Variants in MUC4 observed in about 807,000 individuals in gnomAD.
MUC4 encodes mucin-4.
Under a neutral mutation model 257.9 loss-of-function variants are expected in MUC4, and 202 were observed. The observed-to-expected ratio is 0.78, with a 90% CI of 0.70 to 0.88. The LOEUF (loss-of-function observed/expected upper bound fraction) is 0.88, where lower values mean the gene tolerates loss of function less well. Among genes scored for constraint, MUC4 ranks in the 40% least tolerant of loss-of-function variants. The pLI, the probability that MUC4 is intolerant of heterozygous loss-of-function variation, is 0.00. For missense variants in MUC4, 5,976 were observed against 6,513.7 expected, an observed-to-expected ratio of 0.92 and a Z score of 2.84; for synonymous variants, 2,351 against 2,757.1, an observed-to-expected ratio of 0.85 and a Z score of 4.62.
chr3:195,750,375 G>C (rs1307129953), intron 23 of MUC4: 1 of 124,780 alleles, frequency 8.0e-6, no homozygotes, highest in Non-Finnish European at 1.6e-5. Flanking sequence ...CCTGGGGAAG[G>C]TGCTGGGGGG....
rs375334162 is a variant in MUC4, at chr3:195,761,474, C to T, written c.14614+10G>A. On this transcript the variant is annotated intron_variant, in intron 15 of 24. Transcript: ENST00000463781. ...CTGCCCCTCTGCCCCAGGACCCTGC[C>T]CAGACTCACAGGTCATTCCAAAGTG... 1.2e-5 allele frequency: 19 copies of T among 1,610,162 alleles called. No homozygotes were observed. In the African/African-American group the frequency reaches 1.7e-4, roughly 15 times the overall value.
chr3:195,763,390 C>T, intron 12 of MUC4, 43 bp downstream of exon 12: 1 of 1,396,854 alleles, frequency 7.2e-7, no homozygotes, highest in South Asian at 1.7e-5. Flanking sequence ...CTGAAGGTCC[C>T]TGTGGGTGGA....
Position 195,779,899 on chromosome 3 carries a change from G to C in MUC4, c.11681C>G (p.Thr3894Ser). The C allele has an allele frequency of 7.5e-7, 1 of 1,326,604 alleles. No homozygotes were observed. The highest frequency in any genetic ancestry group is 9.8e-7 in the Non-Finnish European group (1 of 1,017,010). 82.2% of individuals were successfully genotyped at this position (1,326,604 alleles called of 1,614,324 possible). ...GDTTPLPVTD[T>S]SSASTRHATP... ...GGCGTGACGTGTGGATGCTGAGGAA[G>C]TGTCGGTGACAGGAAGAGGGGTGGT... is the stretch of plus-strand genomic sequence containing the variant. The change falls in exon 2 of 25, where the codon ACT becomes AGT. Residue 3894 changes from threonine to serine, a missense_variant. By Grantham distance (58) the Thr-to-Ser change is moderately conservative (BLOSUM62 1). Around this residue, in one of 44 missense-constraint regions of MUC4, gnomAD observed 330 missense variants for 262.0 expected, o/e 1.26. Transcript: ENST00000463781.
At position 195,788,387 on chromosome 3, in the gene MUC4, C is replaced by T; in HGVS notation, c.3193G>A (p.Ala1065Thr). Residue 1065 changes from alanine (A) to threonine (T), a missense_variant, in exon 2 of 25, where the codon GCA becomes ACA. Physicochemically the swap from Ala to Thr is moderately conservative, Grantham distance 58. Transcript: ENST00000463781. ...AGAGGGGTGACGTGACCTGTGGATGCTGAGGAAGTGTCAGTGACAGGAAGA... is the reference window on the plus strand; with the variant it reads ...AGAGGGGTGACGTGACCTGTGGATGTTGAGGAAGTGTCAGTGACAGGAAGA... The part of the protein sequence containing the change: ...TPLPVTDTSS[A>T]STGHVTPLPV... 1 of 1,486,310 alleles carries T rather than the reference C, an allele frequency of 6.7e-7. No individual in the cohort carries two copies. The highest frequency in any genetic ancestry group is 9.1e-7 in the Non-Finnish European group (1 of 1,099,664). The allele number at this position is 1,486,310 out of a possible 1,614,324, so 92.1% of individuals were successfully genotyped here. A position where few individuals can be genotyped will look rare whatever the true frequency, so the allele number is the denominator to read the frequency against.
At position 195,781,772 on chromosome 3, in the gene MUC4, T is replaced by A; in HGVS notation, c.9808A>T (p.Thr3270Ser). 3.4e-6 allele frequency: 5 copies of A among 1,459,664 alleles called. No homozygotes were observed. Among genetic ancestry groups the A allele is most frequent in the South Asian group, 1.2e-5 (1 of 80,978 alleles). The allele number at this position is 1,459,664 out of a possible 1,614,324, so 90.4% of individuals were successfully genotyped here. ...GTGTCACCTGTGTATGCTGAGGAAGTGTCGGTGACAGGAAGAGAGGTGGTG... is the reference window on the plus strand; with the variant it reads ...GTGTCACCTGTGTATGCTGAGGAAGAGTCGGTGACAGGAAGAGAGGTGGTG... ...GDTTSLPVTD[T>S]SSAYTGDTTS... Residue 3270 changes from threonine (T) to serine (S), a missense_variant, in exon 2 of 25, where the codon ACT becomes TCT. Physicochemically the swap from Thr to Ser is moderately conservative, Grantham distance 58 (BLOSUM62 1). Transcript: ENST00000463781.
intron 3 of MUC4, among the ~76,000 whole-genome samples, chr3:195,775,845 CCATACCTTCCA>C: frequency 8.2e-5 from 7 of 85,450 alleles, no homozygotes; most frequent in Non-Finnish European, 1.6e-4. Context: ...CCTTCCACAC[CCATACCTTCCA>C]CGGCCATACC....
rs1253264250 is a variant in MUC4, at chr3:195,747,931, T to G, written c.16035-551A>C. On this transcript the variant is annotated intron_variant, in intron 24 of 24. Coordinates refer to ENST00000463781, the MANE Select transcript of MUC4 (RefSeq NM_018406.7). ...GTCAGCTGCACCTGGGCGGCAGGGA[T>G]GCCGGCCACAGGTGGGCATGCGCAG... 4.6e-5 allele frequency among the ~76,000 whole-genome samples: 7 copies of G among 152,360 alleles called. No individual in the cohort carries two copies. In the South Asian group the frequency reaches 6.2e-4, roughly 14 times the overall value.
Position 195,782,964 on chromosome 3 carries a change from TGAGGAAGCGTC to T in MUC4, c.8605_8615del (p.Asp2869SerfsTer37). ...GAGGGGTGGCATGACCTGTGGACAC[TGAGGAAGCGTC>T]GGTGACAGGAAGAGAGGTGGCGTGA... On this transcript the variant is annotated frameshift_variant, in exon 2 of 25. Transcript: ENST00000463781. LOFTEE classifies it high-confidence loss of function. 1 of 1,198,574 alleles carries T rather than the reference TGAGGAAGCGTC, an allele frequency of 8.3e-7. No homozygotes were observed. The highest frequency in any genetic ancestry group is 1.9e-5 in the African/African-American group (1 of 53,970). 74.2% of individuals were successfully genotyped at this position (1,198,574 alleles called of 1,614,324 possible).
intron 1 of MUC4, among the ~76,000 whole-genome samples, chr3:195,803,191 T>C (rs1735568656): frequency 6.6e-6 from 1 of 152,154 alleles, no homozygotes; most frequent in African/African-American, 2.4e-5. Context: ...TCAAGACAGC[T>C]CTTGTTAAAA....
intron 7 of MUC4, among the ~76,000 whole-genome samples, chr3:195,768,433 C>T: frequency 6.6e-6 from 1 of 152,206 alleles, no homozygotes; most frequent in Non-Finnish European, 1.5e-5. Flanking sequence ...CTCCTCTCTC[C>T]CTTCACCACC....
chr3:195,758,243 A>G (rs2148785241), intron 17 of MUC4, among the ~76,000 whole-genome samples: 1 of 152,222 alleles, frequency 6.6e-6, no homozygotes. Context: ...TTTGGCCCTG[A>G]TCATGGATGT....
rs367616712 is a variant in MUC4 at position 195,797,162 on chromosome 3, A to G, written c.83-5665T>C. 2.8e-4 allele frequency among the ~76,000 whole-genome samples: 43 copies of G among 151,868 alleles called. No homozygotes were observed. The East Asian group carries it at 3.1e-3, about 11-fold the overall frequency. ...CACACACCTGTAATCCCAGCTACTC[A>G]GGAGGCTGAGGCACGAGAATTGCTT... On this transcript the variant is annotated intron_variant, in intron 1 of 24. Transcript: ENST00000463781.
At chr3:195,749,701 C>G (rs1257192880) in intron 23 of MUC4, among the ~76,000 whole-genome samples, 3 of 152,206 alleles carry the variant, frequency 2.0e-5, no homozygotes, top group Admixed American at 6.5e-5. Flanking sequence ...ATGAGACAAC[C>G]TGTTCACAAC....
rs1281190526 is a variant in MUC4, at chr3:195,790,471, A to G, written c.1109T>C (p.Phe370Ser). 1.2e-6 allele frequency: 2 copies of G among 1,613,836 alleles called. No individual in the cohort carries two copies. Among genetic ancestry groups the G allele is most frequent in the African/African-American group, 2.7e-5 (2 of 74,918 alleles). ...TGAGGTGGTTGTTTCACCAGAAGGG[A>G]ATGTCTCCTGAGAAACTGTTCCACT... ...NPSGTVSQET[F>S]PSGETTTSSP... Residue 370 changes from phenylalanine (F) to serine (S), a missense_variant, in exon 2 of 25, where the codon TTC becomes TCC. By Grantham distance (155) the Phe-to-Ser change is radical. This residue lies in a region of MUC4 where 1,583 missense variants were observed against 1,257.4 expected (regional missense o/e 1.26). Transcript: ENST00000463781.
Position 195,764,194 on chromosome 3 carries a change from T to C in MUC4, c.13925-30A>G, listed in dbSNP as rs761519472. On this transcript the variant is annotated intron_variant, in intron 10 of 24. Transcript: ENST00000463781. Reference sequence around the variant, plus strand: ...GGAGAACAGCAGTGAGTCGGGGAGGTTGAGGACCTGGAGAAGCTTGGCAGG... The same window carrying C: ...GGAGAACAGCAGTGAGTCGGGGAGGCTGAGGACCTGGAGAAGCTTGGCAGG... 15 of 1,550,868 alleles carry C rather than the reference T, an allele frequency of 9.7e-6. No homozygotes were observed. The Admixed American group carries it at 1.4e-4, about 14-fold the overall frequency.
intron 16 of MUC4, among the ~76,000 whole-genome samples, chr3:195,759,907 G>A (rs2688527): frequency 0.62 from 94,025 of 151,292 alleles, 30,485 homozygotes; most frequent in East Asian, 0.8. Context: ...CAACAAGAGC[G>A]AAACTCCGTC....
At chr3:195,750,817 T>C in intron 23 of MUC4, 72 bp downstream of exon 23, 1 of 1,371,890 alleles carries the variant, frequency 7.3e-7, no homozygotes, top group Admixed American at 1.8e-5. Flanking sequence ...CTTGTTTGTG[T>C]GGGCTGAAGC....
rs532400135 is a variant in MUC4 at position 195,788,080 on chromosome 3, G to T, written c.3500C>A (p.Thr1167Asn). 18 of 1,489,664 alleles carry T rather than the reference G, an allele frequency of 1.2e-5. 3 individuals are homozygous for T. In the South Asian group the frequency reaches 2.0e-4, roughly 16 times the overall value. 92.3% of individuals were successfully genotyped at this position (1,489,664 alleles called of 1,614,324 possible). ...DASSASTGQA[T>N]PLPVTSLSSV... Reference sequence around the variant, plus strand: ...GGAAAGGCTGGTGACAGGAAGAGGGGTGGCCTGACCTGTGGATGCTGAGGA... The same window carrying T: ...GGAAAGGCTGGTGACAGGAAGAGGGTTGGCCTGACCTGTGGATGCTGAGGA... Residue 1167 changes from threonine to asparagine, a missense_variant, in exon 2 of 25, where the codon ACC becomes AAC. Physicochemically the swap from Thr to Asn is moderately conservative, Grantham distance 65. This residue lies in a region of MUC4 where 90 missense variants were observed against 106.2 expected (regional missense o/e 0.85). Coordinates refer to ENST00000463781, the MANE Select transcript of MUC4 (RefSeq NM_018406.7).
Position 195,780,850 on chromosome 3 carries a change from A to G in MUC4, c.10730T>C (p.Val3577Ala), listed in dbSNP as rs199985629. The G allele has an allele frequency of 4.7e-4, 547 of 1,170,388 alleles. 8 individuals carry two copies. Among genetic ancestry groups the G allele is most frequent in the Middle Eastern group, 2.1e-3 (6 of 2,850 alleles). 72.5% of individuals were successfully genotyped at this position (1,170,388 alleles called of 1,614,324 possible). ...AAGAGGGGTGGTGTCACCTGTGGAT[A>G]CTGAGGAAAGGCTGGTGACAGGAAG... ...TPLPVTSLSSVSTGDTTPLLV... is the reference protein window; with the variant it reads ...TPLPVTSLSSASTGDTTPLLV... The change falls in exon 2 of 25, where the codon GTA becomes GCA. Residue 3577 changes from valine (V) to alanine (A), a missense_variant. Transcript: ENST00000463781.
Sources: allele counts gnomAD v4.1 joint callset (sites outside exome capture counted in the v4.1 genomes callset), GRCh38; gene constraint gnomAD v4.1.1; regional missense constraint gnomAD v4.1.1; transcripts MANE v1.5; gene names NCBI Gene and HGNC (gene_info 2026-07-23, HGNC 2026-07-21).